MYO1E: variants seen among roughly 807,000 people sequenced by gnomAD.
MYO1E encodes the protein myosin IE.
Under a neutral mutation model 151.1 loss-of-function variants are expected in MYO1E, and 68 were observed. That is an observed-to-expected ratio of 0.45 (90% CI 0.37 to 0.55). The LOEUF (loss-of-function observed/expected upper bound fraction) is 0.55, where lower values mean the gene tolerates loss of function less well. MYO1E is among the 20% of genes least tolerant of loss of function. The pLI, the probability that MYO1E is intolerant of heterozygous loss-of-function variation, is 0.00. For synonymous variants in MYO1E, 601 were observed against 501.7 expected, an observed-to-expected ratio of 1.20 and a Z score of -2.64; for missense variants, 1,363 against 1,389.3, an observed-to-expected ratio of 0.98 and a Z score of 0.30.
intron 1 of MYO1E, among the ~76,000 whole-genome samples, chr15:59,358,677 T>A (rs1286246326): frequency 2.6e-5 from 4 of 152,228 alleles, no homozygotes; most frequent in African/African-American, 9.6e-5. Context: ...GAAAATGGGT[T>A]TTCAATTATT....
intron 25 of MYO1E, among the ~76,000 whole-genome samples, chr15:59,157,614 T>C (rs1480063201): frequency 8.5e-5 from 13 of 152,248 alleles, no homozygotes; most frequent in Admixed American, 8.5e-4. Context: ...TAAGCAGCCA[T>C]CTTGTTATTC....
At chr15:59,362,034 G>A (rs973520058) in intron 1 of MYO1E, among the ~76,000 whole-genome samples, 3 of 151,722 alleles carry the variant, frequency 2.0e-5, no homozygotes, top group African/African-American at 7.3e-5. Context: ...ATGGGGTTTC[G>A]CTATGTTGGC....
At chr15:59,248,083 G>A (rs1464594225) in intron 4 of MYO1E, among the ~76,000 whole-genome samples, 1 of 130,412 alleles carries the variant, frequency 7.7e-6, no homozygotes, top group African/African-American at 2.9e-5. Context: ...AGCCAAGAGT[G>A]TGCCACTGCA....
chr15:59,241,360 CA>C (rs1281329947), intron 4 of MYO1E, among the ~76,000 whole-genome samples: 1 of 152,082 alleles, frequency 6.6e-6, no homozygotes, highest in Non-Finnish European at 1.5e-5. Context: ...CCCCAAAACA[CA>C]AAAGAAACAA....
chr15:59,203,384 CT>C (rs71119440), intron 15 of MYO1E, among the ~76,000 whole-genome samples: 232 of 144,320 alleles, frequency 1.6e-3, no homozygotes, highest in African/African-American at 3.7e-3. Flanking sequence ...AATATACTTT[CT>C]TTTTTTTTTT....
intron 10 of MYO1E, among the ~76,000 whole-genome samples, chr15:59,216,275 G>A (rs565463178): frequency 3.1e-4 from 47 of 151,918 alleles, no homozygotes; most frequent in African/African-American, 1.1e-3. Flanking sequence ...GAGTGACCTT[G>A]GGCAAATTCC....
In MYO1E at chr15:59,161,055, G is replaced by A. The variant is rs1192643394; in HGVS notation, c.2785+18C>T. ...GGAGCGGCGGCAGTTCTGCCTGCAGGGCCCGTGGAGCACTTACGGGAGTTC... is the reference window on the plus strand; with the variant it reads ...GGAGCGGCGGCAGTTCTGCCTGCAGAGCCCGTGGAGCACTTACGGGAGTTC... On this transcript the variant is annotated intron_variant, in intron 24 of 27. Coordinates refer to ENST00000288235, the MANE Select transcript of MYO1E (RefSeq NM_004998.4). 3.1e-6 allele frequency: 5 copies of A among 1,612,488 alleles called. No individual in the cohort carries two copies. Among genetic ancestry groups the A allele is most frequent in the Non-Finnish European group, 4.2e-6 (5 of 1,179,956 alleles).
In MYO1E at chr15:59,232,216, G is replaced by C. The variant is rs113296362; in HGVS notation, c.421-425C>G. On this transcript the variant is annotated intron_variant, in intron 5 of 27. Coordinates refer to ENST00000288235, the MANE Select transcript of MYO1E (RefSeq NM_004998.4). ...TCATCCCATCTCCACCTGCTTCACT[G>C]CAAGTTACCTTAAGGAAAATTAATC... Among the ~76,000 whole-genome samples the C allele has an allele frequency of 1.1e-3, 164 of 152,238 alleles. 3 individuals are homozygous for C. Among genetic ancestry groups the C allele is most frequent in the African/African-American group, 1.4e-3 (57 of 41,536 alleles).
intron 1 of MYO1E, among the ~76,000 whole-genome samples, chr15:59,364,573 C>T (rs1416700667): frequency 1.3e-5 from 2 of 152,118 alleles, no homozygotes; most frequent in Admixed American, 1.3e-4. Flanking sequence ...AATAACAGAA[C>T]ACAAATTGTA....
chr15:59,231,549 G>A (rs1353032945), intron 6 of MYO1E, among the ~76,000 whole-genome samples, 153 bp downstream of exon 6: 2 of 152,236 alleles, frequency 1.3e-5, no homozygotes, highest in Admixed American at 6.5e-5. Flanking sequence ...GCAGCTTGGC[G>A]GCATGCTGCT....
At chr15:59,267,254 T>C (rs1304096370) in intron 2 of MYO1E, among the ~76,000 whole-genome samples, 1 of 151,922 alleles carries the variant, frequency 6.6e-6, no homozygotes, top group Non-Finnish European at 1.5e-5. Flanking sequence ...CTCAATCTCC[T>C]GACCTCATGA....
At chr15:59,216,579 T>C (rs1277725564) in intron 10 of MYO1E, among the ~76,000 whole-genome samples, 5 of 108,376 alleles carry the variant, frequency 4.6e-5, no homozygotes, top group African/African-American at 1.7e-4. Context: ...TAAGAGTTTA[T>C]GTGTGTGTGT....
At position 59,372,667 on chromosome 15, in the gene MYO1E, C is replaced by T; in HGVS notation, c.-167G>A. 3.6e-6 allele frequency: 3 copies of T among 844,118 alleles called. No individual in the cohort carries two copies. Among genetic ancestry groups the T allele is most frequent in the Non-Finnish European group, 5.3e-6 (3 of 562,498 alleles). 52.3% of individuals were successfully genotyped at this position (844,118 alleles called of 1,614,324 possible). Reference sequence around the variant, plus strand: ...AATGGGAACCCAGAGGGGACTCCATCCAGGCGGGATTGGCGGTGCTAGGTG... The same window carrying T: ...AATGGGAACCCAGAGGGGACTCCATTCAGGCGGGATTGGCGGTGCTAGGTG... On this transcript the variant is annotated 5_prime_UTR_variant, in exon 1 of 28. Coordinates refer to ENST00000288235, the MANE Select transcript of MYO1E (RefSeq NM_004998.4).
At chr15:59,216,551 T>C (rs2079915424) in intron 10 of MYO1E, among the ~76,000 whole-genome samples, 1 of 131,048 alleles carries the variant, frequency 7.6e-6, no homozygotes, top group South Asian at 2.5e-4. Context: ...TATACATATA[T>C]AAATATATAT....
intron 26 of MYO1E, among the ~76,000 whole-genome samples, chr15:59,145,322 G>A (rs1304202748): frequency 1.3e-5 from 2 of 152,186 alleles, no homozygotes; most frequent in African/African-American, 2.4e-5. Flanking sequence ...TCCAGCTTGC[G>A]AGAGCTGATA....
intron 22 of MYO1E, among the ~76,000 whole-genome samples, chr15:59,167,673 T>C (rs1231714589): frequency 1.3e-5 from 2 of 152,174 alleles, no homozygotes; most frequent in Non-Finnish European, 2.9e-5. Context: ...TTCACTTTAA[T>C]TTTTATTTAT....
intron 4 of MYO1E, among the ~76,000 whole-genome samples, chr15:59,249,741 C>G (rs1321832279): frequency 1.3e-5 from 2 of 152,246 alleles, no homozygotes; most frequent in African/African-American, 2.4e-5. Context: ...GCATGAGGAG[C>G]AGGCTTCTCT....
At chr15:59,269,998 C>T (rs1364299813) in intron 2 of MYO1E, among the ~76,000 whole-genome samples, 4 of 152,094 alleles carry the variant, frequency 2.6e-5, no homozygotes, top group Non-Finnish European at 5.9e-5. Flanking sequence ...TGAAAACAAC[C>T]CTAAACAATA....
chr15:59,138,524 A>T (rs1412983278), intron 26 of MYO1E, among the ~76,000 whole-genome samples, 157 bp from the exon 27 acceptor site: 3 of 152,232 alleles, frequency 2.0e-5, no homozygotes, highest in African/African-American at 7.2e-5. Flanking sequence ...TTTAAACTTG[A>T]GGAATAAAAG....
Sources: gnomAD v4.1 joint callset for allele counts (sites outside exome capture counted in the v4.1 genomes callset) on GRCh38, gnomAD v4.1.1 for gene constraint, MANE v1.5 for transcripts, NCBI Gene and HGNC (gene_info 2026-07-23, HGNC 2026-07-21) for gene names.